Variants in TRIM66 observed in about 807,000 individuals in gnomAD.
The protein encoded by TRIM66 is tripartite motif containing 66.
TRIM66 carries 99 observed loss-of-function variants against 148.2 expected under a neutral mutation model. The ratio of observed to expected loss-of-function variants is 0.67; its 90% CI spans 0.57 to 0.79. TRIM66 has a LOEUF of 0.79. Ranked by LOEUF, TRIM66 falls within the 30% of genes least tolerant of loss-of-function variation. The pLI, the probability that TRIM66 is intolerant of heterozygous loss-of-function variation, is 0.00. For missense variants in TRIM66, 1,666 were observed against 1,697.9 expected (o/e 0.98, Z 0.33); for synonymous variants, 616 against 635.9 (o/e 0.97, Z 0.47).
intron 15 of TRIM66, among the ~76,000 whole-genome samples, chr11:8,632,697 G>T (rs537702886): frequency 6.6e-6 from 1 of 152,218 alleles, no homozygotes; most frequent in African/African-American, 2.4e-5. Context: ...CTGACCTCCA[G>T]TGACCCACTT....
At chr11:8,632,712 C>T (rs28476482) in intron 15 of TRIM66, among the ~76,000 whole-genome samples, 2,719 of 152,176 alleles carry the variant, frequency 0.018, 81 homozygotes, top group African/African-American at 0.061. Context: ...CCACTTGCCT[C>T]GGCCTTCCAA....
chr11:8,683,106 T>G, upstream of TRIM66: 3 of 1,304,640 alleles, frequency 2.3e-6, no homozygotes, highest in Non-Finnish European at 2.2e-6. Context: ...AGAAGTTAGG[T>G]CTTTGACCCA....
chr11:8,674,433 G>A (rs1339477216), intron 4 of TRIM66, among the ~76,000 whole-genome samples: 1 of 152,010 alleles, frequency 6.6e-6, no homozygotes, highest in African/African-American at 2.4e-5. Context: ...GCCTAGGCTG[G>A]AGGGCAGTCG....
chr11:8,612,547 T>C lies in TRIM66; in HGVS notation c.*5397A>G, dbSNP rs1436881226. The C allele has an allele frequency of 6.6e-6, 1 of 152,192 alleles. No homozygotes were observed. The highest frequency in any genetic ancestry group is 1.5e-5 in the Non-Finnish European group (1 of 68,040). 9.4% of individuals were successfully genotyped at this position (152,192 alleles called of 1,614,324 possible). ...TGTTCAGACTCTCAAATCAGATATC[T>C]TTCTAGTATATACCTCCTTACCTCC... is the stretch of plus-strand genomic sequence containing the variant. On this transcript the variant is annotated 3_prime_UTR_variant, in exon 25 of 25. Coordinates refer to ENST00000646038, the MANE Select transcript of TRIM66 (RefSeq NM_001388022.1).
At chr11:8,669,501 G>C (rs997018197) in intron 6 of TRIM66, among the ~76,000 whole-genome samples, 12 of 152,100 alleles carry the variant, frequency 7.9e-5, no homozygotes, top group Non-Finnish European at 1.8e-4. Flanking sequence ...AAAATTAGCT[G>C]GGTGTGGTGG....
At chr11:8,673,350 C>T (rs1331729177) in intron 4 of TRIM66, among the ~76,000 whole-genome samples, 1 of 152,172 alleles carries the variant, frequency 6.6e-6, no homozygotes, top group Non-Finnish European at 1.5e-5. Flanking sequence ...AAAGTATAGT[C>T]TGGATTATCT....
At chr11:8,642,905 A>G in intron 13 of TRIM66, 104 bp downstream of exon 13, 1 of 467,356 alleles carries the variant, frequency 2.1e-6, no homozygotes, top group South Asian at 5.5e-5. Flanking sequence ...TGGCAGTCCC[A>G]GAGAGTGCTT....
At chr11:8,648,625 T>C (rs7950801) in intron 8 of TRIM66, 77 bp from the exon 9 acceptor site, 1,497,467 of 1,513,394 alleles carry the variant, frequency 0.99, 742,183 homozygotes, top group East Asian at 1. Flanking sequence ...GCTGCACAGC[T>C]CTCAGCCTTC....
chr11:8,672,570 G>C (rs2133503950), intron 4 of TRIM66, among the ~76,000 whole-genome samples, 185 bp from the exon 5 acceptor site: 1 of 151,478 alleles, frequency 6.6e-6, no homozygotes, highest in Admixed American at 6.6e-5. Flanking sequence ...GCAAATGGCA[G>C]AGTCCAAATT....
chr11:8,657,145 G>T (rs1382453763), intron 6 of TRIM66, among the ~76,000 whole-genome samples: 1 of 152,236 alleles, frequency 6.6e-6, no homozygotes, highest in African/African-American at 2.4e-5. Context: ...AGAGGTAGGG[G>T]AGGAGAGAAA....
intron 6 of TRIM66, among the ~76,000 whole-genome samples, chr11:8,662,432 C>T (rs960705769): frequency 1.3e-5 from 2 of 152,176 alleles, no homozygotes; most frequent in Non-Finnish European, 2.9e-5. Context: ...ACCGAGGGAC[C>T]GTGATTGCTC....
chr11:8,633,290 C>T (rs888951296), intron 15 of TRIM66, among the ~76,000 whole-genome samples: 1 of 151,804 alleles, frequency 6.6e-6, no homozygotes, highest in African/African-American at 2.4e-5. Context: ...CCATTGCACT[C>T]CAGCCTGGGC....
chr11:8,655,235 C>G (rs2037721538), intron 6 of TRIM66, among the ~76,000 whole-genome samples: 1 of 152,158 alleles, frequency 6.6e-6, no homozygotes, highest in Non-Finnish European at 1.5e-5. Flanking sequence ...TAGTAAGAAG[C>G]CACCTGGAAG....
At position 8,613,063 on chromosome 11, in the gene TRIM66, A is replaced by G. The variant is rs1280312877; in HGVS notation, c.*4881T>C. 2.0e-5 allele frequency: 3 copies of G among 152,222 alleles called. No individual in the cohort carries two copies. Among genetic ancestry groups the G allele is most frequent in the Non-Finnish European group, 4.4e-5 (3 of 68,070 alleles). The allele number at this position is 152,222 out of a possible 1,614,324, so 9.4% of individuals were successfully genotyped here. On this transcript the variant is annotated 3_prime_UTR_variant, in exon 25 of 25. Coordinates refer to ENST00000646038, the MANE Select transcript of TRIM66 (RefSeq NM_001388022.1). ...GTCCTCCCAGCAGGAGCTCATAAAC[A>G]TGGTTGGCATGAGGAGAACTGAGTT...
Position 8,672,346 on chromosome 11 carries a change from C to A in TRIM66, c.-72G>T. On this transcript the variant is annotated 5_prime_UTR_variant, in exon 5 of 25. Transcript: ENST00000646038. ...AGGCGAACAAACCCTTCAAAAGTGT[C>A]CCGTACCTGTGCCTCTCCTTATTGG... 1 of 1,534,058 alleles carries A rather than the reference C, an allele frequency of 6.5e-7. No individual in the cohort carries two copies. Among genetic ancestry groups the A allele is most frequent in the South Asian group, 1.2e-5 (1 of 83,594 alleles).
chr11:8,644,737 T>C (rs2036701481), intron 12 of TRIM66, among the ~76,000 whole-genome samples: 1 of 152,240 alleles, frequency 6.6e-6, no homozygotes, highest in African/African-American at 2.4e-5. Context: ...GCTATGTTTT[T>C]ATTTTTCTTC....
chr11:8,655,361 T>A (rs555915396), intron 6 of TRIM66, among the ~76,000 whole-genome samples: 1 of 152,252 alleles, frequency 6.6e-6, no homozygotes, highest in African/African-American at 2.4e-5. Flanking sequence ...TATCTAACTA[T>A]GTAACCTTGG....
intron 6 of TRIM66, among the ~76,000 whole-genome samples, chr11:8,656,759 T>G (rs2037863898): frequency 6.6e-6 from 1 of 152,198 alleles, no homozygotes; most frequent in African/African-American, 2.4e-5. Flanking sequence ...GATAGCTGTC[T>G]CCTGTATCAT....
At chr11:8,661,045 A>C (rs994518114) in intron 6 of TRIM66, among the ~76,000 whole-genome samples, 1 of 152,242 alleles carries the variant, frequency 6.6e-6, no homozygotes, top group African/African-American at 2.4e-5. Context: ...CTAGAAGTGT[A>C]GTCCCGGAGT....
Sources: allele counts gnomAD v4.1 joint callset (sites outside exome capture counted in the v4.1 genomes callset), GRCh38; gene constraint gnomAD v4.1.1; transcripts MANE v1.5; gene names NCBI Gene and HGNC (gene_info 2026-07-23, HGNC 2026-07-21).